The following KCNH8 variants were observed in gnomAD, a reference collection of about 807,000 sequenced individuals.
KCNH8 encodes potassium voltage-gated channel subfamily H member 8.
In KCNH8, 70 loss-of-function variants were observed where a neutral mutation model predicts 103.6. The observed-to-expected ratio is 0.68, with a 90% CI of 0.56 to 0.82. The LOEUF (loss-of-function observed/expected upper bound fraction) is 0.82, where lower values mean the gene tolerates loss of function less well. Ranked by LOEUF, KCNH8 falls within the 40% of genes least tolerant of loss-of-function variation. The pLI is 0.00. For missense variants in KCNH8, 1,217 were observed against 1,329.9 expected, an observed-to-expected ratio of 0.92 and a Z score of 1.32; for synonymous variants, 498 against 489.4, an observed-to-expected ratio of 1.02 and a Z score of -0.23.
At chr3:19,289,636 G>T (rs2064888748) in intron 3 of KCNH8, among the ~76,000 whole-genome samples, 1 of 152,256 alleles carries the variant, frequency 6.6e-6, no homozygotes, top group East Asian at 1.9e-4. Flanking sequence ...TAGCCTTGTA[G>T]TATAGTTTGA....
At chr3:19,469,194 G>T (rs911276041) in intron 11 of KCNH8, among the ~76,000 whole-genome samples, 3 of 152,038 alleles carry the variant, frequency 2.0e-5, no homozygotes, top group Admixed American at 2.0e-4. Context: ...CATACTAAAG[G>T]ACTCACATGT....
intron 2 of KCNH8, among the ~76,000 whole-genome samples, chr3:19,258,556 C>G (rs759131912): frequency 3.9e-5 from 6 of 152,022 alleles, no homozygotes; most frequent in Non-Finnish European, 7.4e-5. Flanking sequence ...ACACTGGATT[C>G]TAACTACCTG....
chr3:19,362,713 G>C (rs1306419769), intron 5 of KCNH8, among the ~76,000 whole-genome samples: 1 of 152,120 alleles, frequency 6.6e-6, no homozygotes, highest in Non-Finnish European at 1.5e-5. Flanking sequence ...ATGCAGGCTG[G>C]AGTGCAGTGG....
chr3:19,153,844 G>A (rs2063154698), intron 1 of KCNH8, among the ~76,000 whole-genome samples: 1 of 151,790 alleles, frequency 6.6e-6, no homozygotes, highest in Non-Finnish European at 1.5e-5. Context: ...ATCTTGGCCA[G>A]GCTGGTCTTG....
intron 8 of KCNH8, among the ~76,000 whole-genome samples, chr3:19,445,919 A>T (rs1575075245): frequency 6.6e-6 from 1 of 152,032 alleles, no homozygotes; most frequent in Non-Finnish European, 1.5e-5. Context: ...GATGACTAAG[A>T]TATGATACTT....
chr3:19,457,154 G>C (rs2067545784), intron 11 of KCNH8, among the ~76,000 whole-genome samples, 172 bp downstream of exon 11: 1 of 151,896 alleles, frequency 6.6e-6, no homozygotes, highest in Non-Finnish European at 1.5e-5. Context: ...GCCAAACCTA[G>C]AGTTTGTTAT....
At chr3:19,427,353 G>C (rs2067043885) in intron 7 of KCNH8, among the ~76,000 whole-genome samples, 1 of 152,176 alleles carries the variant, frequency 6.6e-6, no homozygotes, top group Admixed American at 6.5e-5. Context: ...AGGCATTATA[G>C]TTGCCAAATA....
chr3:19,250,340 TATAATA>T (rs1248949912), intron 1 of KCNH8, among the ~76,000 whole-genome samples: 5 of 152,140 alleles, frequency 3.3e-5, no homozygotes, highest in African/African-American at 1.2e-4. Context: ...GTAATATACT[TATAATA>T]ATAAAAGTAA....
intron 2 of KCNH8, among the ~76,000 whole-genome samples, chr3:19,266,586 G>A (rs2064515123): frequency 6.6e-6 from 1 of 152,040 alleles, no homozygotes; most frequent in Admixed American, 6.6e-5. Context: ...ATGTTTGAGG[G>A]TGACATTGGT....
intron 2 of KCNH8, among the ~76,000 whole-genome samples, chr3:19,267,627 A>T (rs1224608492): frequency 1.4e-4 from 21 of 152,078 alleles, no homozygotes; most frequent in Admixed American, 1.4e-3. Flanking sequence ...GATCTTAGCC[A>T]AGCTGATTAA....
chr3:19,165,578 AC>A (rs1389494043), intron 1 of KCNH8, among the ~76,000 whole-genome samples: 7 of 152,208 alleles, frequency 4.6e-5, no homozygotes, highest in Admixed American at 1.3e-4. Flanking sequence ...CCTTTTGGGT[AC>A]TTTATTCTAA....
intron 2 of KCNH8, among the ~76,000 whole-genome samples, chr3:19,261,386 T>G (rs2064433693): frequency 6.6e-6 from 1 of 151,918 alleles, no homozygotes; most frequent in African/African-American, 2.4e-5. Flanking sequence ...TATTGGTCAT[T>G]TTTATGTCAT....
At chr3:19,463,982 C>T (rs1284654338) in intron 11 of KCNH8, among the ~76,000 whole-genome samples, 4 of 152,030 alleles carry the variant, frequency 2.6e-5, no homozygotes, top group Admixed American at 1.3e-4. Context: ...ATACCGCTTG[C>T]GTAAATTAAA....
At chr3:19,413,167 C>A (rs2066808702) in intron 7 of KCNH8, among the ~76,000 whole-genome samples, 1 of 148,908 alleles carries the variant, frequency 6.7e-6, no homozygotes, top group African/African-American at 2.5e-5. Context: ...AGTAAATAAG[C>A]ACCATGGAAT....
intron 11 of KCNH8, among the ~76,000 whole-genome samples, chr3:19,498,456 C>T (rs1353727464): frequency 6.6e-6 from 1 of 152,138 alleles, no homozygotes; most frequent in Non-Finnish European, 1.5e-5. Context: ...TGAATTCCCT[C>T]AGCGCTGACT....
rs190021644 is a variant in KCNH8, at chr3:19,409,618, G to A, written c.1177+14307G>A. Among the ~76,000 whole-genome samples, 4 of 152,026 alleles carry A rather than the reference G, an allele frequency of 2.6e-5. No individual in the cohort carries two copies. In the East Asian group the frequency reaches 7.8e-4, roughly 29 times the overall value. ...ACCCATTCATCTGCTCTCTTTTAGGGATCTGTTTCACACGTACTGACACCC... is the reference window on the plus strand; with the variant it reads ...ACCCATTCATCTGCTCTCTTTTAGGAATCTGTTTCACACGTACTGACACCC... On this transcript the variant is annotated intron_variant, in intron 7 of 15. Transcript: ENST00000328405.
intron 11 of KCNH8, among the ~76,000 whole-genome samples, chr3:19,489,115 G>T (rs1268187926): frequency 6.6e-6 from 1 of 152,144 alleles, no homozygotes; most frequent in Admixed American, 6.6e-5. Flanking sequence ...TGCCAAGGGA[G>T]GAGTTTCTCC....
intron 1 of KCNH8, among the ~76,000 whole-genome samples, chr3:19,202,955 A>G (rs780515192): frequency 3.2e-4 from 49 of 152,164 alleles, no homozygotes; most frequent in Non-Finnish European, 5.9e-4. Context: ...TTTGCTGAAG[A>G]AGTGTCAGTG....
chr3:19,308,938 T>A lies in KCNH8; in HGVS notation c.442+27609T>A, dbSNP rs140715341. 2.3e-3 allele frequency among the ~76,000 whole-genome samples: 356 copies of A among 151,622 alleles called. 2 individuals are homozygous for A. The highest frequency in any genetic ancestry group is 7.6e-3 in the African/African-American group (315 of 41,226). The stretch of plus-strand genomic sequence containing the variant: ...AGCAGCAGGCCACACTGTCTTAATG[T>A]AAATTCCAGTGATGCTAACACACAC... On this transcript the variant is annotated intron_variant, in intron 3 of 15. Coordinates refer to ENST00000328405, the MANE Select transcript of KCNH8 (RefSeq NM_144633.3).
Sources: gnomAD v4.1 joint callset for allele counts (sites outside exome capture counted in the v4.1 genomes callset) on GRCh38, gnomAD v4.1.1 for gene constraint, MANE v1.5 for transcripts, NCBI Gene and HGNC (gene_info 2026-07-23, HGNC 2026-07-21) for gene names.